Variants in TCF12 observed in about 807,000 individuals in gnomAD.
The protein encoded by TCF12 is transcription factor 12.
Under a neutral mutation model 86.0 loss-of-function variants are expected in TCF12, and 45 were observed. The observed-to-expected ratio is 0.52, with a 90% CI of 0.41 to 0.67. The LOEUF (loss-of-function observed/expected upper bound fraction) is 0.67. Ranked by LOEUF, TCF12 falls within the 30% of genes least tolerant of loss-of-function variation. The pLI is 0.00. For missense variants in TCF12, 881 were observed against 859.9 expected, an observed-to-expected ratio of 1.02 and a Z score of -0.31; for synonymous variants, 330 against 299.6, an observed-to-expected ratio of 1.10 and a Z score of -1.05.
downstream of TCF12, among the ~76,000 whole-genome samples, chr15:57,290,457 G>A (rs1380532953): frequency 6.6e-6 from 1 of 152,136 alleles, no homozygotes; most frequent in East Asian, 1.9e-4. Context: ...AGTTAGAAGG[G>A]TAAAGGATTT....
At chr15:57,051,542 C>G (rs528454704) in intron 3 of TCF12, among the ~76,000 whole-genome samples, 1 of 151,864 alleles carries the variant, frequency 6.6e-6, no homozygotes, top group Non-Finnish European at 1.5e-5. Flanking sequence ...CAGGCTGTCT[C>G]GAATTCCTAG....
At chr15:57,065,675 A>G (rs2068814903) in intron 4 of TCF12, among the ~76,000 whole-genome samples, 2 of 147,462 alleles carry the variant, frequency 1.4e-5, no homozygotes, top group Non-Finnish European at 3.0e-5. Flanking sequence ...AGGAGAAGAA[A>G]AGTACTAATG....
intron 5 of TCF12, among the ~76,000 whole-genome samples, chr15:57,108,708 G>T (rs2050295042): frequency 6.6e-6 from 1 of 152,040 alleles, no homozygotes; most frequent in African/African-American, 2.4e-5. Context: ...CTTGGAAATG[G>T]AGTTGAGAAA....
intron 6 of TCF12, among the ~76,000 whole-genome samples, chr15:57,175,684 A>T (rs1487741704): frequency 6.6e-6 from 1 of 152,230 alleles, no homozygotes; most frequent in Non-Finnish European, 1.5e-5. Flanking sequence ...TTGATACTGT[A>T]TTGTATTCTG....
intron 8 of TCF12, among the ~76,000 whole-genome samples, chr15:57,206,140 G>A (rs1385571686): frequency 6.6e-6 from 1 of 152,198 alleles, no homozygotes; most frequent in Non-Finnish European, 1.5e-5. Context: ...GTTGAATTAT[G>A]TAAATGCCTT....
Position 57,199,390 on chromosome 15 carries a change from TGA to T in TCF12, c.579+1569_579+1570del, listed in dbSNP as rs148136164. Among the ~76,000 whole-genome samples the T allele has an allele frequency of 4.1e-3, 620 of 152,236 alleles. 3 individuals carry two copies. The highest frequency in any genetic ancestry group is 0.014 in the African/African-American group (597 of 41,532). ...CTTGTAATTTATTACTGTAATTCAA[TGA>T]GAGTAATAAAAGTTAAATTACACAT... is the stretch of plus-strand genomic sequence containing the variant. On this transcript the variant is annotated intron_variant, in intron 8 of 20. Transcript: ENST00000333725.
At chr15:56,957,074 C>G (rs370632402) in intron 3 of TCF12, among the ~76,000 whole-genome samples, 48 of 152,284 alleles carry the variant, frequency 3.2e-4, no homozygotes, top group African/African-American at 1.1e-3. Flanking sequence ...GTCTGTTGTC[C>G]TCTTTTTGCC....
chr15:57,103,719 T>C (rs1434618671), intron 5 of TCF12, among the ~76,000 whole-genome samples: 1 of 152,210 alleles, frequency 6.6e-6, no homozygotes, highest in Non-Finnish European at 1.5e-5. Context: ...TAAGTTATAA[T>C]ATGGTCATAT....
Position 57,232,334 on chromosome 15 carries a change from G to A in TCF12, c.729G>A (p.Gly243=), listed in dbSNP as rs1312964610. Residue 243 remains glycine, a synonymous_variant, in exon 10 of 21, where the codon GGG becomes GGA. Transcript: ENST00000333725. ...NSSDLWSSSN[G]MSQPGFGGIL... The stretch of plus-strand genomic sequence containing the variant: ...CTGACCTTTGGAGTTCATCAAATGG[G>A]ATGAGCCAGCCTGGTTTTGGTGGAA... 1.2e-6 allele frequency: 2 copies of A among 1,613,852 alleles called. No homozygotes were observed. The highest frequency in any genetic ancestry group is 1.7e-6 in the Non-Finnish European group (2 of 1,179,912).
At position 57,273,072 on chromosome 15, in the gene TCF12, A is replaced by G; in HGVS notation, c.1788A>G (p.Ile596Met). Reference protein sequence around the residue: ...EDEDLNPEQKIEREKERRMAN... With the variant: ...EDEDLNPEQKMEREKERRMAN... ...AGGATTTGAACCCTGAACAGAAGAT[A>G]GAAAGGGAGAAGGAGAGGCGGATGG... Residue 596 changes from isoleucine (I) to methionine (M), a missense_variant, in exon 19 of 21, where the codon ATA becomes ATG. Ile to Met is a conservative substitution (Grantham distance 10). Around this residue, in one of 3 missense-constraint regions of TCF12, gnomAD observed 766 missense variants for 718.9 expected, o/e 1.07. Coordinates refer to ENST00000333725, the MANE Select transcript of TCF12 (RefSeq NM_207037.2). 1 of 1,614,256 alleles carries G rather than the reference A, an allele frequency of 6.2e-7. No individual in the cohort carries two copies. The highest frequency in any genetic ancestry group is 8.5e-7 in the Non-Finnish European group (1 of 1,180,028).
chr15:57,150,873 CCCTTCCTTCCTTCCTTCCTTCCTTCCTT>C (rs374734642), intron 5 of TCF12, among the ~76,000 whole-genome samples: 1 of 40,680 alleles, frequency 2.5e-5, no homozygotes, highest in African/African-American at 7.7e-5. Flanking sequence ...CCCCCTCTGT[CCCTTCCTTCCTTCCTTCCTTCCTTCCTT>C]CCTTCCTTCC....
intron 6 of TCF12, among the ~76,000 whole-genome samples, chr15:57,182,356 T>A (rs182444244): frequency 2.5e-3 from 386 of 152,272 alleles, no homozygotes; most frequent in Non-Finnish European, 4.3e-3. Context: ...GCTTTTATAG[T>A]TTAGCACTTG....
At chr15:57,218,661 T>C (rs2058437686) in intron 8 of TCF12, among the ~76,000 whole-genome samples, 1 of 152,208 alleles carries the variant, frequency 6.6e-6, no homozygotes, top group Non-Finnish European at 1.5e-5. Context: ...GAATTTTTTT[T>C]AAGAACAGTC....
intron 3 of TCF12, among the ~76,000 whole-genome samples, chr15:57,016,709 A>G (rs192410606): frequency 6.6e-5 from 10 of 152,024 alleles, no homozygotes; most frequent in African/African-American, 1.7e-4. Context: ...TTGCATTTCC[A>G]TGTTTTACAA....
chr15:57,041,228 C>A (rs2141451381), intron 3 of TCF12, among the ~76,000 whole-genome samples: 1 of 152,290 alleles, frequency 6.6e-6, no homozygotes, highest in Admixed American at 6.5e-5. Context: ...ATTTGGCAGT[C>A]AAACAAATTT....
At chr15:56,921,399 T>G (rs193175777) in intron 3 of TCF12, among the ~76,000 whole-genome samples, 1 of 152,112 alleles carries the variant, frequency 6.6e-6, no homozygotes, top group East Asian at 1.9e-4. Flanking sequence ...TCCTTTCCTA[T>G]ATCCAGATTA....
intron 6 of TCF12, among the ~76,000 whole-genome samples, chr15:57,191,793 G>T (rs2056991255): frequency 6.6e-6 from 1 of 151,986 alleles, no homozygotes; most frequent in Non-Finnish European, 1.5e-5. Context: ...CAAAAATTAG[G>T]CATGGTGGTG....
At chr15:57,117,268 A>G (rs1169998404) in intron 5 of TCF12, among the ~76,000 whole-genome samples, 2 of 151,994 alleles carry the variant, frequency 1.3e-5, no homozygotes, top group Non-Finnish European at 2.9e-5. Context: ...TTGGGCTCAA[A>G]CAATCCCCCT....
intron 7 of TCF12, among the ~76,000 whole-genome samples, chr15:57,192,839 G>T (rs1421318555): frequency 6.6e-6 from 1 of 152,160 alleles, no homozygotes; most frequent in African/African-American, 2.4e-5. Context: ...AGTTTTTAAT[G>T]AAAGGTTTGG....
Sources: allele counts gnomAD v4.1 joint callset (sites outside exome capture counted in the v4.1 genomes callset), GRCh38; gene constraint gnomAD v4.1.1; regional missense constraint gnomAD v4.1.1; transcripts MANE v1.5; gene names NCBI Gene and HGNC (gene_info 2026-07-23, HGNC 2026-07-21).